DSCAM: variants seen among roughly 807,000 people sequenced by gnomAD.
DSCAM encodes cell adhesion molecule DSCAM.
A neutral mutation model predicts 217.7 loss-of-function variants in DSCAM; 47 were observed. The ratio of observed to expected loss-of-function variants is 0.22; its 90% CI spans 0.17 to 0.28. DSCAM has a LOEUF of 0.28. Among genes scored for constraint, DSCAM ranks in the 10% least tolerant of loss-of-function variants. The probability of loss-of-function intolerance (pLI) is 1.00; values close to 1 mark genes in which losing one functional copy is unlikely to be tolerated. For missense variants in DSCAM, 2,080 were observed against 2,618.3 expected, an observed-to-expected ratio of 0.79 and a Z score of 4.49; for synonymous variants, 1,056 against 1,015.3, an observed-to-expected ratio of 1.04 and a Z score of -0.76.
chr21:40,792,183 G>C (rs2091652295), intron 1 of DSCAM, among the ~76,000 whole-genome samples: 1 of 144,458 alleles, frequency 6.9e-6, no homozygotes, highest in African/African-American at 2.6e-5. Flanking sequence ...CTGTTGCCCG[G>C]GCTGGAGTGC....
chr21:40,166,227 AC>A, intron 16 of DSCAM, among the ~76,000 whole-genome samples: 1 of 152,252 alleles, frequency 6.6e-6, no homozygotes, highest in Middle Eastern at 3.4e-3. Context: ...TGATGTGAAG[AC>A]CTTATTGTAG....
At chr21:40,637,468 T>A (rs1171201868) in intron 3 of DSCAM, among the ~76,000 whole-genome samples, 2 of 29,266 alleles carry the variant, frequency 6.8e-5, no homozygotes, top group South Asian at 1.2e-3. Context: ...CAAATATATA[T>A]AAATATATAT....
At chr21:40,225,111 T>C (rs1403669235) in intron 11 of DSCAM, among the ~76,000 whole-genome samples, 3 of 152,226 alleles carry the variant, frequency 2.0e-5, no homozygotes, top group African/African-American at 7.2e-5. Flanking sequence ...CACAGGAGAT[T>C]GGCCAGGCCA....
Position 40,075,829 on chromosome 21 carries a change from C to A in DSCAM, c.4712-616G>T, listed in dbSNP as rs779773257. On this transcript the variant is annotated intron_variant, in intron 26 of 32. Coordinates refer to ENST00000400454, the MANE Select transcript of DSCAM (RefSeq NM_001389.5). ...CTAAAGGAGCCTACTTTTGATCAGG[C>A]ATGGTTAAATAGTGCTACAAAATCT... Among the ~76,000 whole-genome samples, 100 of 152,094 alleles carry A rather than the reference C, an allele frequency of 6.6e-4. 1 individual carries two copies. The highest frequency in any genetic ancestry group is 2.2e-4 in the Non-Finnish European group (15 of 68,022).
intron 32 of DSCAM, among the ~76,000 whole-genome samples, chr21:40,018,913 C>T (rs914663111): frequency 6.6e-6 from 1 of 152,234 alleles, no homozygotes; most frequent in African/African-American, 2.4e-5. Flanking sequence ...CAAAGCTCTA[C>T]AAAGTTGTGT....
intron 3 of DSCAM, among the ~76,000 whole-genome samples, chr21:40,402,679 T>TA (rs969269506): frequency 1.3e-5 from 2 of 151,010 alleles, no homozygotes; most frequent in Admixed American, 6.6e-5. Flanking sequence ...TTTATTTGTT[T>TA]TTTTTTTTTT....
intron 1 of DSCAM, among the ~76,000 whole-genome samples, chr21:40,737,008 G>A (rs1452651937): frequency 6.6e-6 from 1 of 152,116 alleles, no homozygotes; most frequent in Non-Finnish European, 1.5e-5. Flanking sequence ...TAAGCAGAAA[G>A]CAAAATTACA....
At chr21:40,254,744 C>A (rs1263994692) in intron 11 of DSCAM, among the ~76,000 whole-genome samples, 1 of 152,122 alleles carries the variant, frequency 6.6e-6, no homozygotes, top group Admixed American at 6.5e-5. Context: ...CTGTACTCCC[C>A]CTATGGCGTT....
intron 18 of DSCAM, among the ~76,000 whole-genome samples, chr21:40,142,280 G>A (rs1448099999): frequency 6.8e-6 from 1 of 148,108 alleles, no homozygotes; most frequent in African/African-American, 2.4e-5. Flanking sequence ...TGCCTGCAGA[G>A]CCTTGACATA....
intron 1 of DSCAM, among the ~76,000 whole-genome samples, chr21:40,814,360 T>G (rs1264018174): frequency 1.3e-5 from 2 of 152,246 alleles, no homozygotes; most frequent in African/African-American, 4.8e-5. Flanking sequence ...CTATTGTTGT[T>G]CATTAAAAAT....
At chr21:40,401,712 G>A (rs938446182) in intron 3 of DSCAM, among the ~76,000 whole-genome samples, 9 of 152,042 alleles carry the variant, frequency 5.9e-5, no homozygotes, top group Non-Finnish European at 1.3e-4. Context: ...AGGATATAAG[G>A]AGAGTAGACA....
rs149128299 is a variant in DSCAM at position 40,701,824 on chromosome 21, G to A, written c.361+6630C>T. 6.4e-4 allele frequency among the ~76,000 whole-genome samples: 97 copies of A among 152,196 alleles called. No homozygotes were observed. The East Asian group carries it at 0.016, about 25-fold the overall frequency. ...ACTTGAATTTAAAACAAATTTATCTGAGATTTGTTTTGTTGCTCTGAGTAT... is the reference window on the plus strand; with the variant it reads ...ACTTGAATTTAAAACAAATTTATCTAAGATTTGTTTTGTTGCTCTGAGTAT... On this transcript the variant is annotated intron_variant, in intron 2 of 32. Coordinates refer to ENST00000400454, the MANE Select transcript of DSCAM (RefSeq NM_001389.5).
At chr21:40,028,989 T>G (rs2088461453) in intron 32 of DSCAM, among the ~76,000 whole-genome samples, 1 of 152,218 alleles carries the variant, frequency 6.6e-6, no homozygotes, top group South Asian at 2.1e-4. Flanking sequence ...AATTTTGAAT[T>G]TGCCTGTACA....
intron 32 of DSCAM, among the ~76,000 whole-genome samples, chr21:40,020,250 G>A (rs760025740): frequency 3.9e-5 from 6 of 152,170 alleles, no homozygotes; most frequent in South Asian, 4.2e-4. Flanking sequence ...GTCACCTTCC[G>A]CCATGATTGT....
intron 3 of DSCAM, among the ~76,000 whole-genome samples, chr21:40,679,924 A>G (rs1035311077): frequency 6.6e-6 from 1 of 152,156 alleles, no homozygotes; most frequent in African/African-American, 2.4e-5. Flanking sequence ...AGCCTCACAC[A>G]AACAACGGCC....
chr21:40,590,125 T>C (rs1486930539), intron 3 of DSCAM, among the ~76,000 whole-genome samples: 4 of 152,248 alleles, frequency 2.6e-5, no homozygotes, highest in Non-Finnish European at 5.9e-5. Context: ...AACTAAGAAA[T>C]AGACCCAAAG....
At chr21:40,287,820 G>A (rs1192650788) in intron 10 of DSCAM, among the ~76,000 whole-genome samples, 1 of 152,158 alleles carries the variant, frequency 6.6e-6, no homozygotes, top group Non-Finnish European at 1.5e-5. Flanking sequence ...GCCTCCAGCA[G>A]CTTGTCTGGG....
intron 11 of DSCAM, among the ~76,000 whole-genome samples, chr21:40,256,150 C>T (rs958766298): frequency 6.6e-6 from 1 of 152,154 alleles, no homozygotes; most frequent in Non-Finnish European, 1.5e-5. Context: ...GCAGCATACC[C>T]TGAAGCATTT....
chr21:40,711,037 C>T (rs1473420281), intron 1 of DSCAM, among the ~76,000 whole-genome samples: 1 of 117,802 alleles, frequency 8.5e-6, no homozygotes, highest in Non-Finnish European at 1.8e-5. Flanking sequence ...ACACAGGATA[C>T]AGGCTGTCAC....
Sources: gnomAD v4.1 joint callset for allele counts (sites outside exome capture counted in the v4.1 genomes callset) on GRCh38, gnomAD v4.1.1 for gene constraint, MANE v1.5 for transcripts, NCBI Gene and HGNC (gene_info 2026-07-23, HGNC 2026-07-21) for gene names.